The following ARID1A variants were observed in gnomAD, a reference collection of about 807,000 sequenced individuals.
The protein encoded by ARID1A is AT-rich interaction domain 1A.
In ARID1A, 20 loss-of-function variants were observed where a neutral mutation model predicts 212.6. That is an observed-to-expected ratio of 0.09 (90% confidence interval 0.07 to 0.14). The LOEUF (loss-of-function observed/expected upper bound fraction) is 0.14, where lower values mean the gene tolerates loss of function less well. ARID1A is among the 10% of genes least tolerant of loss of function. The pLI is 1.00. For synonymous variants in ARID1A, 1,376 were observed against 1,222.1 expected (o/e 1.13, Z -2.63); for missense variants, 2,587 against 3,059.0 (o/e 0.85, Z 3.64).
rs2124741884 is a variant in ARID1A at position 26,696,850 on chromosome 1, C to T, written c.447C>T (p.Gly149=). The T allele has an allele frequency of 7.4e-7, 1 of 1,344,292 alleles. No homozygotes were observed. The highest frequency in any genetic ancestry group is 4.1e-5 in the Admixed American group (1 of 24,192). 83.3% of individuals were successfully genotyped at this position (1,344,292 alleles called of 1,614,324 possible). Residue 149 remains glycine, a synonymous_variant, in exon 1 of 20, where the codon GGC becomes GGT. Coordinates refer to ENST00000324856, the MANE Select transcript of ARID1A (RefSeq NM_006015.6). ...AAAALPPPAY[G]FGQPYGRSPS... ...CCGCCTTGCCGCCCCCAGCCTACGG[C>T]TTCGGGCAACCCTACGGCCGGAGCC... is the stretch of plus-strand genomic sequence containing the variant.
chr1:26,714,473 G>C (rs879362654), intron 1 of ARID1A, among the ~76,000 whole-genome samples: 33 of 152,226 alleles, frequency 2.2e-4, no homozygotes, highest in Non-Finnish European at 3.5e-4. Context: ...GAGTGTAGTG[G>C]CGCAATCTCG....
In ARID1A at chr1:26,781,822, A is replaced by G. The variant is rs1468526124; in HGVS notation, c.*1066A>G. 4.3e-6 allele frequency: 1 copy of G among 233,574 alleles called. No individual in the cohort carries two copies. Among genetic ancestry groups the G allele is most frequent in the Non-Finnish European group, 8.5e-6 (1 of 118,044 alleles). 14.5% of individuals were successfully genotyped at this position (233,574 alleles called of 1,614,324 possible). ...GTCCTTGCTGTCTCAGCAGCCAATC[A>G]ACTTATAGTTTATTTTTTTCTGGGT... On this transcript the variant is annotated 3_prime_UTR_variant, in exon 20 of 20. Coordinates refer to ENST00000324856, the MANE Select transcript of ARID1A (RefSeq NM_006015.6).
At chr1:26,769,497 G>A (rs1199986611) in intron 11 of ARID1A, 3 of 152,206 alleles carry the variant, frequency 2.0e-5, no homozygotes, top group African/African-American at 4.8e-5. Flanking sequence ...TAGATGCCAC[G>A]GAGATGGGAG....
chr1:26,713,583 C>T (rs1199702350), intron 1 of ARID1A, among the ~76,000 whole-genome samples: 1 of 152,150 alleles, frequency 6.6e-6, no homozygotes, highest in African/African-American at 2.4e-5. Flanking sequence ...TGGTCTTGAA[C>T]TCCTGACCTC....
intron 1 of ARID1A, among the ~76,000 whole-genome samples, chr1:26,723,948 T>C (rs751462639): frequency 1.3e-5 from 2 of 152,184 alleles, no homozygotes; most frequent in Admixed American, 6.5e-5. Flanking sequence ...TTAGGCAGTC[T>C]GCCCTCAATT....
At chr1:26,737,780 G>A (rs898096555) in intron 4 of ARID1A, among the ~76,000 whole-genome samples, 1 of 151,408 alleles carries the variant, frequency 6.6e-6, no homozygotes, top group African/African-American at 2.4e-5. Context: ...CAGGAGAATC[G>A]CTTGAACCTG....
At chr1:26,767,359 C>T (rs1570608902) in intron 10 of ARID1A, among the ~76,000 whole-genome samples, 2 of 152,280 alleles carry the variant, frequency 1.3e-5, no homozygotes, top group Admixed American at 1.3e-4. Context: ...TTTTCGATTT[C>T]TCTAAAACAT....
chr1:26,775,518 TA>T, intron 18 of ARID1A, 58 bp from the exon 19 acceptor site: 1 of 1,606,336 alleles, frequency 6.2e-7, no homozygotes, highest in Non-Finnish European at 8.5e-7. Context: ...GGGGCAGCCC[TA>T]GGGGTGCCTC....
In ARID1A at chr1:26,762,071, G is replaced by C. The variant is rs145072724; in HGVS notation, c.2252-81G>C. On this transcript the variant is annotated intron_variant, in intron 6 of 19. Coordinates refer to ENST00000324856, the MANE Select transcript of ARID1A (RefSeq NM_006015.6). ...GTGGCTGCTAAAGAAAATGTAGATG[G>C]TAAAGTCCCAGGATAAGGATGGAGA... 3.6e-4 allele frequency: 511 copies of C among 1,425,362 alleles called. 5 individuals carry two copies. The African/African-American group carries it at 5.9e-3, about 16-fold the overall frequency. The allele number at this position is 1,425,362 out of a possible 1,614,324, so 88.3% of individuals were successfully genotyped here.
intron 4 of ARID1A, among the ~76,000 whole-genome samples, chr1:26,735,909 C>G (rs191840118): frequency 6.6e-6 from 1 of 152,342 alleles, no homozygotes; most frequent in African/African-American, 2.4e-5. Flanking sequence ...TCCTCCTGTT[C>G]ATCTTTCAGA....
intron 1 of ARID1A, among the ~76,000 whole-genome samples, chr1:26,716,412 T>G (rs1320484383): frequency 1.3e-5 from 2 of 152,114 alleles, no homozygotes; most frequent in Non-Finnish European, 2.9e-5. Context: ...GTAGTTACAG[T>G]TGTAATAAAT....
rs773708811 is a variant in ARID1A at position 26,779,006 on chromosome 1, G to T, written c.5125-17G>T. 11 of 1,499,432 alleles carry T rather than the reference G, an allele frequency of 7.3e-6. No homozygotes were observed. Among genetic ancestry groups the T allele is most frequent in the Non-Finnish European group, 9.8e-6 (11 of 1,124,154 alleles). The allele number at this position is 1,499,432 out of a possible 1,614,324, so 92.9% of individuals were successfully genotyped here. On this transcript the variant is annotated splice_polypyrimidine_tract_variant and intron_variant, in intron 19 of 19. Transcript: ENST00000324856. ...ACTTTTCTCCCTTAATTTATTTCCTGTTCTTTCTCTTTTTAGCTCCCAGGG... is the reference window on the plus strand; with the variant it reads ...ACTTTTCTCCCTTAATTTATTTCCTTTTCTTTCTCTTTTTAGCTCCCAGGG...
chr1:26,699,961 C>T (rs576280958), intron 1 of ARID1A, among the ~76,000 whole-genome samples: 1 of 152,240 alleles, frequency 6.6e-6, no homozygotes, highest in African/African-American at 2.4e-5. Context: ...GTTTGGATGC[C>T]TGTCTGTGCT....
At chr1:26,773,221 T>C in intron 14 of ARID1A, 125 bp from the exon 15 acceptor site, 1 of 1,393,924 alleles carries the variant, frequency 7.2e-7, no homozygotes, top group Non-Finnish European at 9.7e-7. Flanking sequence ...TTTAGATCTC[T>C]GTTTTGAACT....
chr1:26,757,841 T>C (rs567430917), intron 4 of ARID1A, among the ~76,000 whole-genome samples: 4 of 152,158 alleles, frequency 2.6e-5, no homozygotes, highest in Admixed American at 6.5e-5. Context: ...GGTTTTGCCA[T>C]GTTGGCCAGG....
At chr1:26,717,258 C>T (rs1227673702) in intron 1 of ARID1A, among the ~76,000 whole-genome samples, 1 of 152,168 alleles carries the variant, frequency 6.6e-6, no homozygotes, top group Non-Finnish European at 1.5e-5. Context: ...CTCTCAACCC[C>T]ATTTTGCCAT....
rs2124139220 is a variant in ARID1A at position 26,779,326 on chromosome 1, G to A, written c.5428G>A (p.Asp1810Asn). ...TGAGGAGAAGCTGATCAGTAAGTTTGACAAGCTTCCAGTAAAGATCGTACA... is the reference window on the plus strand; with the variant it reads ...TGAGGAGAAGCTGATCAGTAAGTTTAACAAGCTTCCAGTAAAGATCGTACA... ...NSEEKLISKF[D>N]KLPVKIVQKN... The change falls in exon 20 of 20, where the codon GAC becomes AAC. Residue 1810 changes from aspartate (D) to asparagine (N), a missense_variant. Coordinates refer to ENST00000324856, the MANE Select transcript of ARID1A (RefSeq NM_006015.6). The A allele has an allele frequency of 1.2e-6, 2 of 1,614,238 alleles. No homozygotes were observed. The highest frequency in any genetic ancestry group is 1.7e-6 in the Non-Finnish European group (2 of 1,180,048).
At chr1:26,723,840 T>G (rs938171417) in intron 1 of ARID1A, among the ~76,000 whole-genome samples, 1 of 152,026 alleles carries the variant, frequency 6.6e-6, no homozygotes, top group African/African-American at 2.4e-5. Context: ...CCACTCGCGC[T>G]CTCATACTGT....
chr1:26,697,047 ACTACCCCAACCGCAGCGC>A lies in ARID1A; in HGVS notation c.652_669del (p.Asn218_Pro223del). 1 of 1,533,268 alleles carries A rather than the reference ACTACCCCAACCGCAGCGC, an allele frequency of 6.5e-7. No individual in the cohort carries two copies. The highest frequency in any genetic ancestry group is 8.7e-7 in the Non-Finnish European group (1 of 1,144,232). The allele number at this position is 1,533,268 out of a possible 1,614,324, so 95.0% of individuals were successfully genotyped here. A position where few individuals can be genotyped will look rare whatever the true frequency, so the allele number is the denominator to read the frequency against. ...TTCCCCAACCACCAGTACAACTCCT[ACTACCCCAACCGCAGCGC>A]CTACCCCCCGCCCGCCCCGGCCTAC... On this transcript the variant is annotated inframe_deletion, in exon 1 of 20. Transcript: ENST00000324856.
Sources: allele counts gnomAD v4.1 joint callset (sites outside exome capture counted in the v4.1 genomes callset), GRCh38; gene constraint gnomAD v4.1.1; transcripts MANE v1.5; gene names NCBI Gene and HGNC (gene_info 2026-07-23, HGNC 2026-07-21).